Variants in TSHZ2 observed in about 807,000 individuals in gnomAD.
TSHZ2 encodes teashirt zinc finger homeobox 2.
TSHZ2 carries 21 observed loss-of-function variants against 74.4 expected under a neutral mutation model. The ratio of observed to expected loss-of-function variants is 0.28; its 90% CI spans 0.20 to 0.41. TSHZ2 has a LOEUF of 0.41. TSHZ2 is among the 10% of genes least tolerant of loss of function. TSHZ2 has a pLI of 1.00. For missense variants in TSHZ2, 1,244 were observed against 1,293.5 expected, an observed-to-expected ratio of 0.96 and a Z score of 0.59; for synonymous variants, 540 against 515.3, an observed-to-expected ratio of 1.05 and a Z score of -0.65.
chr20:53,034,214 G>C (rs1228394226), intron 1 of TSHZ2, among the ~76,000 whole-genome samples: 1 of 152,108 alleles, frequency 6.6e-6, no homozygotes, highest in Non-Finnish European at 1.5e-5. Context: ...AATCAGGCTT[G>C]GAAACACTAG....
chr20:53,196,845 C>A (rs1227230980), intron 1 of TSHZ2, among the ~76,000 whole-genome samples: 2 of 152,186 alleles, frequency 1.3e-5, no homozygotes, highest in Non-Finnish European at 2.9e-5. Flanking sequence ...GCCATGGTGG[C>A]AAATTTAAAT....
At chr20:53,239,303 G>T (rs189499348) in intron 1 of TSHZ2, among the ~76,000 whole-genome samples, 7 of 152,160 alleles carry the variant, frequency 4.6e-5, no homozygotes, top group Admixed American at 4.6e-4. Context: ...TCAGGAAGCT[G>T]GGACCCTCTG....
At chr20:53,337,421 TTTTCATTAGA>T (rs1195831860) in intron 2 of TSHZ2, among the ~76,000 whole-genome samples, 1 of 152,230 alleles carries the variant, frequency 6.6e-6, no homozygotes, top group Non-Finnish European at 1.5e-5. Flanking sequence ...GGTTTTGCCT[TTTTCATTAGA>T]GAAGGACCCA....
At chr20:53,282,134 G>A (rs1027494793) in intron 2 of TSHZ2, among the ~76,000 whole-genome samples, 1 of 152,144 alleles carries the variant, frequency 6.6e-6, no homozygotes. Flanking sequence ...ATAGAAAAAT[G>A]TCTCAGTTTC....
intron 1 of TSHZ2, among the ~76,000 whole-genome samples, chr20:53,208,327 C>A (rs557587437): frequency 1.1e-4 from 16 of 152,170 alleles, no homozygotes; most frequent in Non-Finnish European, 7.4e-5. Context: ...ACTGTTCCTC[C>A]CTTTGGTAGA....
At chr20:53,117,239 G>T (rs1381930613) in intron 1 of TSHZ2, among the ~76,000 whole-genome samples, 4 of 152,134 alleles carry the variant, frequency 2.6e-5, no homozygotes, top group African/African-American at 9.7e-5. Flanking sequence ...CACCTAGTAA[G>T]CTCCATATAG....
At chr20:53,318,136 G>C (rs1248997529) in intron 2 of TSHZ2, among the ~76,000 whole-genome samples, 1 of 152,206 alleles carries the variant, frequency 6.6e-6, no homozygotes, top group African/African-American at 2.4e-5. Flanking sequence ...ACAACTAACA[G>C]CCAGGGAGGC....
chr20:53,339,081 C>G (rs2145564164), intron 2 of TSHZ2, among the ~76,000 whole-genome samples: 1 of 152,342 alleles, frequency 6.6e-6, no homozygotes, highest in Non-Finnish European at 1.5e-5. Context: ...TGTCACCAAA[C>G]TAGCCATGTC....
intron 1 of TSHZ2, among the ~76,000 whole-genome samples, chr20:53,069,768 C>G (rs1432917574): frequency 6.7e-6 from 1 of 149,948 alleles, no homozygotes; most frequent in East Asian, 2.0e-4. Flanking sequence ...ATGAGGGGAG[C>G]CATTAATACA....
chr20:53,118,383 G>C (rs998473953), intron 1 of TSHZ2, among the ~76,000 whole-genome samples: 3 of 152,136 alleles, frequency 2.0e-5, no homozygotes, highest in African/African-American at 7.2e-5. Context: ...AGGGATTTAG[G>C]TGCTGGTGAT....
At chr20:53,286,886 T>TACACACACACACAC (rs71194467) in intron 2 of TSHZ2, among the ~76,000 whole-genome samples, 1 of 139,424 alleles carries the variant, frequency 7.2e-6, no homozygotes, top group African/African-American at 2.6e-5. Context: ...GTCTCAAAAA[T>TACACACACACACAC]ACACACACAC....
chr20:53,183,184 A>C (rs1347981559), intron 1 of TSHZ2, among the ~76,000 whole-genome samples: 1 of 152,128 alleles, frequency 6.6e-6, no homozygotes, highest in East Asian at 1.9e-4. Flanking sequence ...AACCATTCCC[A>C]CCCTGTGCTG....
chr20:53,256,413 T>G lies in TSHZ2; in HGVS notation c.2955T>G (p.Ala985=). The change falls in exon 2 of 3, where the codon GCT becomes GCG. Residue 985 remains alanine (A), a synonymous_variant. Transcript: ENST00000371497. This position sits in a 1 kb window ranked among gnomAD's most constrained non-coding sequence, Gnocchi z 4.3. ...SSAQRSPETI[A]AEEDTDSKFK... ...CTCAGAGGTCTCCAGAAACAATAGC[T>G]GCCGAAGAGGACACAGACTCTAAAT... The G allele has an allele frequency of 6.2e-7, 1 of 1,614,020 alleles. No homozygotes were observed.
intron 1 of TSHZ2, among the ~76,000 whole-genome samples, chr20:53,190,118 TATATATATATA>T (rs1988697911): frequency 1.1e-5 from 1 of 92,884 alleles, no homozygotes; most frequent in African/African-American, 4.2e-5. Flanking sequence ...TATATATATA[TATATATATATA>T]TATATATATT....
intron 2 of TSHZ2, among the ~76,000 whole-genome samples, chr20:53,303,053 A>G (rs1311270946): frequency 6.6e-6 from 1 of 152,188 alleles, no homozygotes; most frequent in Non-Finnish European, 1.5e-5. Context: ...TACCTTATAA[A>G]TTAATAATTT....
At chr20:53,096,937 A>G (rs1256171639) in intron 1 of TSHZ2, among the ~76,000 whole-genome samples, 1 of 152,044 alleles carries the variant, frequency 6.6e-6, no homozygotes, top group Non-Finnish European at 1.5e-5. Flanking sequence ...CAAAAACAAA[A>G]AACAAAAAAC....
rs116370493 is a variant in TSHZ2 at position 53,100,971 on chromosome 20, G to T, written c.40+127638G>T. ...GTCCAATCTTAATAGTGGGGCAGGT[G>T]GGGGAGAGATGCAAAGCAGGGGTAG... On this transcript the variant is annotated intron_variant, in intron 1 of 2. Coordinates refer to ENST00000371497, the MANE Select transcript of TSHZ2 (RefSeq NM_173485.6). 9.9e-3 allele frequency among the ~76,000 whole-genome samples: 1,508 copies of T among 152,254 alleles called. 14 individuals are homozygous for T. Among genetic ancestry groups the T allele is most frequent in the Middle Eastern group, 0.034 (10 of 294 alleles).
intron 2 of TSHZ2, among the ~76,000 whole-genome samples, chr20:53,445,986 C>CT (rs1378717852): frequency 1.3e-5 from 2 of 152,192 alleles, no homozygotes; most frequent in Non-Finnish European, 2.9e-5. Flanking sequence ...GGTCCCACCT[C>CT]TTCCACTTAC....
chr20:53,438,081 T>C (rs1251371121), intron 2 of TSHZ2, among the ~76,000 whole-genome samples: 1 of 151,766 alleles, frequency 6.6e-6, no homozygotes, highest in Non-Finnish European at 1.5e-5. Flanking sequence ...TGGAAGGATG[T>C]ACTTGGGTGT....
Sources: allele counts gnomAD v4.1 joint callset (sites outside exome capture counted in the v4.1 genomes callset), GRCh38; gene constraint gnomAD v4.1.1; non-coding constraint Gnocchi (gnomAD v3.1); transcripts MANE v1.5; gene names NCBI Gene and HGNC (gene_info 2026-07-23, HGNC 2026-07-21).